The following HDAC9 variants were observed in gnomAD, a reference collection of about 807,000 sequenced individuals.
The protein encoded by HDAC9 is histone deacetylase 9.
In HDAC9, 41 loss-of-function variants were observed where a neutral mutation model predicts 139.4. That is an observed-to-expected ratio of 0.29 (90% CI 0.23 to 0.38). The LOEUF (loss-of-function observed/expected upper bound fraction) is 0.38. Among genes scored for constraint, HDAC9 ranks in the 10% least tolerant of loss-of-function variants. The pLI, the probability that HDAC9 is intolerant of heterozygous loss-of-function variation, is 1.00. For synonymous variants in HDAC9, 517 were observed against 476.2 expected (o/e 1.09, Z -1.12); for missense variants, 1,147 against 1,297.0 (o/e 0.88, Z 1.78).
intron 17 of HDAC9, among the ~76,000 whole-genome samples, chr7:18,798,812 G>A (rs992770916): frequency 6.6e-6 from 1 of 152,074 alleles, no homozygotes. Context: ...GAAAACCTGA[G>A]GAATGTGCAT....
intron 1 of HDAC9, among the ~76,000 whole-genome samples, chr7:18,411,505 G>A (rs1788546763): frequency 6.6e-6 from 1 of 152,090 alleles, no homozygotes; most frequent in South Asian, 2.1e-4. Flanking sequence ...CTCGCATGTA[G>A]CTGGGGCTAC....
intron 12 of HDAC9, among the ~76,000 whole-genome samples, chr7:18,674,453 T>A (rs1781373767): frequency 1.3e-5 from 2 of 152,072 alleles, no homozygotes; most frequent in Non-Finnish European, 2.9e-5. Flanking sequence ...CTCTAGCCCT[T>A]CTGAACTCCC....
At chr7:18,448,015 A>G (rs1414274572) in intron 1 of HDAC9, among the ~76,000 whole-genome samples, 1 of 152,102 alleles carries the variant, frequency 6.6e-6, no homozygotes, top group African/African-American at 2.4e-5. Context: ...TAATTTTTGT[A>G]TTTGTAGTAG....
Position 18,999,601 on chromosome 7 carries a change from G to C in HDAC9, c.*3539G>C, listed in dbSNP as rs1283819206. On this transcript the variant is annotated 3_prime_UTR_variant, in exon 26 of 26. Coordinates refer to ENST00000686413, the MANE Select transcript of HDAC9 (RefSeq NM_178425.4). ...AGCTGGGCATGCGCCACCACGTCTG[G>C]CTAATTTTTGTATTTTTAGTAGAGA... 1 of 152,118 alleles carries C rather than the reference G, an allele frequency of 6.6e-6. No individual in the cohort carries two copies. The highest frequency in any genetic ancestry group is 1.9e-4 in the East Asian group (1 of 5,192). The allele number at this position is 152,118 out of a possible 1,614,324, so 9.4% of individuals were successfully genotyped here. A position where few individuals can be genotyped will look rare whatever the true frequency, so the allele number is the denominator to read the frequency against.
At position 18,954,202 on chromosome 7, in the gene HDAC9, T is replaced by A; in HGVS notation, c.2994T>A (p.Ile998=). The A allele has an allele frequency of 6.4e-7, 1 of 1,558,518 alleles. No homozygotes were observed. Among genetic ancestry groups the A allele is most frequent in the South Asian group, 1.2e-5 (1 of 85,650 alleles). The change falls in exon 24 of 26, where the codon ATT becomes ATA. Residue 998 remains isoleucine (I), a synonymous_variant. Coordinates refer to ENST00000686413, the MANE Select transcript of HDAC9 (RefSeq NM_178425.4). ...LHQSPNMNAV[I]SLQKIIEIQS... ...AAAGCCCGAATATGAATGCTGTTAT[T>A]TCTTTACAGAAGATCATTGAAATTC...
chr7:18,833,804 G>A (rs1430784209), intron 19 of HDAC9, among the ~76,000 whole-genome samples: 2 of 152,092 alleles, frequency 1.3e-5, no homozygotes, highest in Non-Finnish European at 2.9e-5. Context: ...TGTCTACACC[G>A]TGGATGGCAA....
intron 2 of HDAC9, among the ~76,000 whole-genome samples, chr7:18,575,192 C>G (rs1825633688): frequency 6.6e-6 from 1 of 152,180 alleles, no homozygotes; most frequent in Non-Finnish European, 1.5e-5. Context: ...TAATGAAGAG[C>G]CTTCAGTAAT....
rs1384273199 is a variant in HDAC9 at position 18,568,026 on chromosome 7, G to GTGTATATATATATATATATATA, written c.23-17254_23-17253insGTATATATATATATATATATAT. On this transcript the variant is annotated intron_variant, in intron 2 of 25. Transcript: ENST00000686413. ...TTATACATACAGGATATATGTATAT[G>GTGTATATATATATATATATATA]TATATATATATATATATATATATAT... Among the ~76,000 whole-genome samples the GTGTATATATATATATATATATA allele has an allele frequency of 8.5e-3, 1,080 of 126,694 alleles. 28 individuals are homozygous for GTGTATATATATATATATATATA. The highest frequency in any genetic ancestry group is 0.01 in the Non-Finnish European group (610 of 60,656). 83.1% of individuals were successfully genotyped at this position (126,694 alleles called of 152,430 possible).
At chr7:18,184,559 CT>C (rs1789756439) in intron 2 of HDAC9, among the ~76,000 whole-genome samples, 1 of 151,964 alleles carries the variant, frequency 6.6e-6, no homozygotes, top group African/African-American at 2.4e-5. Flanking sequence ...ATTTGTATAC[CT>C]GAGGTAAGGT....
Position 18,675,089 on chromosome 7 carries a change from A to G in HDAC9, c.1731+8613A>G, listed in dbSNP as rs550819073. 5.3e-5 allele frequency among the ~76,000 whole-genome samples: 8 copies of G among 152,130 alleles called. No individual in the cohort carries two copies. In the East Asian group the frequency reaches 1.4e-3, roughly 26 times the overall value. On this transcript the variant is annotated intron_variant, in intron 12 of 25. Transcript: ENST00000686413. The stretch of plus-strand genomic sequence containing the variant: ...AAAGTGAGAGCTTGGAAAGAAGACA[A>G]AATGATTCATATTAATCTTTCTTAG...
chr7:18,381,359 C>T (rs1785430784), intron 1 of HDAC9, among the ~76,000 whole-genome samples: 1 of 151,892 alleles, frequency 6.6e-6, no homozygotes, highest in African/African-American at 2.4e-5. Flanking sequence ...GAATAAATTT[C>T]TCTAACTAGA....
At chr7:18,118,854 A>C (rs1158638624) in intron 1 of HDAC9, among the ~76,000 whole-genome samples, 1 of 152,168 alleles carries the variant, frequency 6.6e-6, no homozygotes, top group Admixed American at 6.5e-5. Context: ...GCTTTAAGAG[A>C]ATATTGGCCA....
intron 17 of HDAC9, among the ~76,000 whole-genome samples, chr7:18,800,271 T>C (rs1320682763): frequency 6.6e-6 from 1 of 152,210 alleles, no homozygotes; most frequent in Non-Finnish European, 1.5e-5. Context: ...ACTTCAACTT[T>C]ATAAGAGGTC....
At chr7:18,532,263 C>G (rs1011389699) in intron 2 of HDAC9, among the ~76,000 whole-genome samples, 1 of 151,940 alleles carries the variant, frequency 6.6e-6, no homozygotes. Context: ...CAACAAAAAA[C>G]CAAAACAAAC....
intron 22 of HDAC9, among the ~76,000 whole-genome samples, chr7:18,924,157 A>G (rs1278672639): frequency 1.3e-5 from 2 of 151,914 alleles, no homozygotes; most frequent in African/African-American, 2.4e-5. Context: ...AAACTATCCT[A>G]ACTATCCTAT....
At chr7:18,957,011 G>C (rs1396011730) in intron 24 of HDAC9, among the ~76,000 whole-genome samples, 2 of 152,180 alleles carry the variant, frequency 1.3e-5, no homozygotes, top group African/African-American at 2.4e-5. Context: ...CCTGATGAAA[G>C]TCAAGGTGAT....
intron 2 of HDAC9, among the ~76,000 whole-genome samples, chr7:18,260,928 A>G (rs935932253): frequency 3.3e-5 from 5 of 152,280 alleles, no homozygotes; most frequent in Non-Finnish European, 7.4e-5. Context: ...AACAGTCGGT[A>G]TGTTAAAACA....
chr7:18,558,854 G>T (rs1819687304), intron 2 of HDAC9, among the ~76,000 whole-genome samples: 1 of 152,178 alleles, frequency 6.6e-6, no homozygotes, highest in South Asian at 2.1e-4. Flanking sequence ...CAGCTGCATG[G>T]ATACACCTGA....
At chr7:18,410,664 C>T (rs778317526) in intron 1 of HDAC9, among the ~76,000 whole-genome samples, 3 of 152,022 alleles carry the variant, frequency 2.0e-5, no homozygotes, top group Non-Finnish European at 4.4e-5. Flanking sequence ...GACAGTAGTA[C>T]ATACAGTAGA....
Sources: allele counts gnomAD v4.1 joint callset (sites outside exome capture counted in the v4.1 genomes callset), GRCh38; gene constraint gnomAD v4.1.1; transcripts MANE v1.5; gene names NCBI Gene and HGNC (gene_info 2026-07-23, HGNC 2026-07-21).